ZMYND10: variants seen among roughly 807,000 people sequenced by gnomAD.
ZMYND10 encodes zinc finger MYND-type containing 10, also known as zinc finger MYND domain-containing protein 10.
A neutral mutation model predicts 62.6 loss-of-function variants in ZMYND10; 52 were observed. The ratio of observed to expected loss-of-function variants is 0.83; its 90% CI spans 0.67 to 1.05. The LOEUF is 1.05. Among genes scored for constraint, ZMYND10 ranks in the 50% least tolerant of loss-of-function variants. ZMYND10 has a pLI of 0.00. For synonymous variants in ZMYND10, 197 were observed against 218.5 expected, an observed-to-expected ratio of 0.90 and a Z score of 0.87; for missense variants, 438 against 543.3, an observed-to-expected ratio of 0.81 and a Z score of 1.93.
Position 50,343,007 on chromosome 3 carries a change from C to T in ZMYND10, c.611G>A (p.Ser204Asn), listed in dbSNP as rs201058230. 34 of 1,614,116 alleles carry T rather than the reference C, an allele frequency of 2.1e-5. No homozygotes were observed. In the East Asian group the frequency reaches 7.6e-4, roughly 36 times the overall value. Residue 204 changes from serine to asparagine, a missense_variant, in exon 7 of 12, where the codon AGC becomes AAC. By Grantham distance (46) the Ser-to-Asn change is conservative. Transcript: ENST00000231749. ...TGTGCTAAGCATACGGCTCAAGGTG[C>T]TGAGAGAGAGGCTAGGGGCAGGGAC... Reference protein sequence around the residue: ...ITDCVDSLSLSTLSRMLSTHN... With the variant: ...ITDCVDSLSLNTLSRMLSTHN...
At chr3:50,344,081 C>T (rs1048803057) in intron 2 of ZMYND10, 6 of 539,692 alleles carry the variant, frequency 1.1e-5, no homozygotes, top group African/African-American at 7.6e-5. Flanking sequence ...TGGCTCCTGC[C>T]CAGTTCCCAG....
At position 50,341,221 on chromosome 3, in the gene ZMYND10, G is replaced by C; in HGVS notation, c.*189C>G. On this transcript the variant is annotated 3_prime_UTR_variant, in exon 12 of 12. Coordinates refer to ENST00000231749, the MANE Select transcript of ZMYND10 (RefSeq NM_015896.4). ...CACACTTGGCCTACCCACTGGGTGG[G>C]GCAGGAAGTCTCGAGCCTTCACTTG... The C allele has an allele frequency of 1.4e-6, 1 of 735,154 alleles. No individual in the cohort carries two copies. The highest frequency in any genetic ancestry group is 2.2e-6 in the Non-Finnish European group (1 of 453,360). 45.5% of individuals were successfully genotyped at this position (735,154 alleles called of 1,614,324 possible).
At chr3:50,343,907 C>T in intron 2 of ZMYND10, 57 bp from the exon 3 acceptor site, 2 of 1,509,390 alleles carry the variant, frequency 1.3e-6, no homozygotes, top group Non-Finnish European at 1.8e-6. Context: ...GCCTGGCAAC[C>T]CTCCCATCCC....
At chr3:50,344,173 A>G in intron 2 of ZMYND10, 2 of 378,536 alleles carry the variant, frequency 5.3e-6, no homozygotes, top group East Asian at 5.9e-5. Flanking sequence ...CCTTCTCCTC[A>G]TGCCCTCCCT....
At position 50,343,167 on chromosome 3, in the gene ZMYND10, C is replaced by A; in HGVS notation, c.550G>T (p.Ala184Ser). The A allele has an allele frequency of 6.2e-7, 1 of 1,614,246 alleles. No homozygotes were observed. The highest frequency in any genetic ancestry group is 8.5e-7 in the Non-Finnish European group (1 of 1,180,038). The stretch of plus-strand genomic sequence containing the variant: ...CGTAGTACTGAGAGGGCCTTCAGTG[C>A]AATCTCAAATTCCATCAGCTCTGCC... ...KQAELMEFEI[A>S]LKALSVLRYI... The change falls in exon 6 of 12, where the codon GCA becomes TCA. Residue 184 changes from alanine to serine, a missense_variant. Transcript: ENST00000231749.
Position 50,341,913 on chromosome 3 carries a change from G to C in ZMYND10, c.1018C>G (p.Arg340Gly). 3 of 1,614,170 alleles carry C rather than the reference G, an allele frequency of 1.9e-6. No homozygotes were observed. The highest frequency in any genetic ancestry group is 1.7e-5 in the Admixed American group (1 of 60,016). ...VLEQIPEIWE[R>G]LERENRGKWQ... ...TTGCCTCTGTTTTCTCGCTCCAGCC[G>C]CTCCCAGATTTCTGGGATCTAGGAG... The change falls in exon 10 of 12, where the codon CGG (arginine) becomes GGG (glycine). Residue 340 changes from arginine to glycine, a missense_variant. Physicochemically the swap from Arg to Gly is moderately radical, Grantham distance 125 (BLOSUM62 -2). Transcript: ENST00000231749.
Position 50,341,167 on chromosome 3 carries a change from G to A in ZMYND10, c.*243C>T, listed in dbSNP as rs1471654666. On this transcript the variant is annotated 3_prime_UTR_variant, in exon 12 of 12. Coordinates refer to ENST00000231749, the MANE Select transcript of ZMYND10 (RefSeq NM_015896.4). Reference sequence around the variant, plus strand: ...GAAGAGGGTCCCCACATCCGGCCCTGGCCCTCCTGGTCCGGTTTGCTGAAG... The same window carrying A: ...GAAGAGGGTCCCCACATCCGGCCCTAGCCCTCCTGGTCCGGTTTGCTGAAG... The A allele has an allele frequency of 3.2e-6, 2 of 619,140 alleles. No homozygotes were observed. The highest frequency in any genetic ancestry group is 5.6e-6 in the Non-Finnish European group (2 of 355,082). 38.4% of individuals were successfully genotyped at this position (619,140 alleles called of 1,614,324 possible).
chr3:50,343,287 C>T lies in ZMYND10; in HGVS notation c.510+20G>A, dbSNP rs1427145752. ...GAACCCAGACCTAGGCTTTCACAAC[C>T]CTAGGTAACCTCAACCCACCTGCAT... On this transcript the variant is annotated intron_variant, in intron 5 of 11. Coordinates refer to ENST00000231749, the MANE Select transcript of ZMYND10 (RefSeq NM_015896.4). 2.5e-6 allele frequency: 4 copies of T among 1,612,848 alleles called. No homozygotes were observed. The South Asian group carries it at 3.3e-5, about 13-fold the overall frequency.
chr3:50,342,867 G>C, intron 7 of ZMYND10, 51 bp downstream of exon 7: 1 of 1,595,116 alleles, frequency 6.3e-7, no homozygotes, highest in Non-Finnish European at 8.6e-7. Flanking sequence ...CTATCAAAAA[G>C]ATACCCTGAA....
chr3:50,342,176 G>T (rs1406532187), intron 8 of ZMYND10, 36 bp from the exon 9 acceptor site: 1 of 1,597,098 alleles, frequency 6.3e-7, no homozygotes, highest in East Asian at 2.2e-5. Context: ...GTGTGATGCA[G>T]GTGCTGGCCA....
chr3:50,345,596 G>C lies in ZMYND10; in HGVS notation c.-17C>G. On this transcript the variant is annotated 5_prime_UTR_variant, in exon 1 of 12. Coordinates refer to ENST00000231749, the MANE Select transcript of ZMYND10 (RefSeq NM_015896.4). The surrounding 1 kb of genome is among the most constrained non-coding windows in gnomAD (Gnocchi z 5.0). Reference sequence around the variant, plus strand: ...GTCTCCCATATCGAGGCCGGGGTCCGGCGGATCCTGGGCAGCAGCCGGGGT... The same window carrying C: ...GTCTCCCATATCGAGGCCGGGGTCCCGCGGATCCTGGGCAGCAGCCGGGGT... 6.4e-7 allele frequency: 1 copy of C among 1,569,850 alleles called. No homozygotes were observed. The highest frequency in any genetic ancestry group is 8.6e-7 in the Non-Finnish European group (1 of 1,157,852).
At position 50,343,783 on chromosome 3, in the gene ZMYND10, C is replaced by T. The variant is rs1382402169; in HGVS notation, c.269G>A (p.Cys90Tyr). ...CTGGGGCTTGAAGTCCTCCACCCTG[C>T]AGAACACAGGGAACACCTTCTGCTT... ...MWKQKVFPVFCRVEDFKPQNT... is the reference protein window; with the variant it reads ...MWKQKVFPVFYRVEDFKPQNT... Residue 90 changes from cysteine (C) to tyrosine (Y), a missense_variant, in exon 3 of 12, where the codon TGC (cysteine) becomes TAC (tyrosine). Coordinates refer to ENST00000231749, the MANE Select transcript of ZMYND10 (RefSeq NM_015896.4). The T allele has an allele frequency of 1.2e-6, 2 of 1,614,180 alleles. No homozygotes were observed. Among genetic ancestry groups the T allele is most frequent in the Non-Finnish European group, 1.7e-6 (2 of 1,180,044 alleles).
Position 50,342,388 on chromosome 3 carries a change from G to T in ZMYND10, c.873+9C>A. 3 of 1,566,122 alleles carry T rather than the reference G, an allele frequency of 1.9e-6. No homozygotes were observed. Among genetic ancestry groups the T allele is most frequent in the Non-Finnish European group, 2.6e-6 (3 of 1,154,798 alleles). On this transcript the variant is annotated intron_variant, in intron 8 of 11. Transcript: ENST00000231749. ...GGGGCTGTGGGGGCTGGTGCGGAGGGAGTCTGACCTTGAGTAGCCGTCCCT... is the reference window on the plus strand; with the variant it reads ...GGGGCTGTGGGGGCTGGTGCGGAGGTAGTCTGACCTTGAGTAGCCGTCCCT...
rs372011482 is a variant in ZMYND10, at chr3:50,343,050, T to C, written c.600-32A>G. 5.6e-6 allele frequency: 9 copies of C among 1,613,288 alleles called. No homozygotes were observed. The African/African-American group carries it at 9.4e-5, about 17-fold the overall frequency. ...GCAGGGACGTTGTGAAGGAGGTGAG[T>C]AGAGGCAGGCTACAGGCCCGGTCTT... On this transcript the variant is annotated intron_variant, in intron 6 of 11. Transcript: ENST00000231749.
In ZMYND10 at chr3:50,341,385, G is replaced by T. The variant is rs368684405; in HGVS notation, c.*25C>A. On this transcript the variant is annotated 3_prime_UTR_variant, in exon 12 of 12. Transcript: ENST00000231749. ...CTGGGTGGATTCCCTTGGCATGGGTGGTCGGCCCTCAGCAACTGCAGCCCT... is the reference window on the plus strand; with the variant it reads ...CTGGGTGGATTCCCTTGGCATGGGTTGTCGGCCCTCAGCAACTGCAGCCCT... 8.7e-6 allele frequency: 14 copies of T among 1,613,520 alleles called. No homozygotes were observed. The African/African-American group carries it at 1.2e-4, about 14-fold the overall frequency.
At chr3:50,344,566 G>A (rs776063259) in intron 2 of ZMYND10, among the ~76,000 whole-genome samples, 12 of 149,548 alleles carry the variant, frequency 8.0e-5, no homozygotes, top group African/African-American at 3.0e-4. Context: ...TGATCCACCC[G>A]TCTTGGCCTC....
In ZMYND10 at chr3:50,342,382, C is replaced by T. The variant is rs181274355; in HGVS notation, c.873+15G>A. 1.5e-3 allele frequency: 2,339 copies of T among 1,561,450 alleles called. 18 individuals carry two copies. The Middle Eastern group carries it at 0.016, about 11-fold the overall frequency. Reference sequence around the variant, plus strand: ...GGTACTGGGGCTGTGGGGGCTGGTGCGGAGGGAGTCTGACCTTGAGTAGCC... The same window carrying T: ...GGTACTGGGGCTGTGGGGGCTGGTGTGGAGGGAGTCTGACCTTGAGTAGCC... On this transcript the variant is annotated intron_variant, in intron 8 of 11. Transcript: ENST00000231749.
chr3:50,343,662 T>C, intron 3 of ZMYND10, 46 bp from the exon 4 acceptor site: 1 of 1,613,988 alleles, frequency 6.2e-7, no homozygotes, highest in South Asian at 1.1e-5. Context: ...GGATAGGGGC[T>C]ACCAGCTCTC....
Position 50,343,625 on chromosome 3 carries a change from T to A in ZMYND10, c.319-9A>T. ...GAGGCCTCGTGGTGCACCTGTCAGA[T>A]AAAGAGAAGGACAGGGCCTGAGGAA... On this transcript the variant is annotated splice_polypyrimidine_tract_variant and intron_variant, in intron 3 of 11. Transcript: ENST00000231749. The A allele has an allele frequency of 6.2e-7, 1 of 1,614,060 alleles. No homozygotes were observed. The highest frequency in any genetic ancestry group is 8.5e-7 in the Non-Finnish European group (1 of 1,179,992).
Sources: gnomAD v4.1 joint callset for allele counts (sites outside exome capture counted in the v4.1 genomes callset) on GRCh38, gnomAD v4.1.1 for gene constraint, Gnocchi (gnomAD v3.1) non-coding constraint, MANE v1.5 for transcripts, NCBI Gene and HGNC (gene_info 2026-07-23, HGNC 2026-07-21) for gene names.